Variants in SIPA1L2 observed in about 807,000 individuals in gnomAD.
The protein encoded by SIPA1L2 is signal-induced proliferation-associated 1-like protein 2.
A neutral mutation model predicts 163.9 loss-of-function variants in SIPA1L2; 56 were observed. The ratio of observed to expected loss-of-function variants is 0.34; its 90% CI spans 0.28 to 0.43. SIPA1L2 has a LOEUF of 0.43. Among genes scored for constraint, SIPA1L2 ranks in the 20% least tolerant of loss-of-function variants. SIPA1L2 has a pLI of 1.00. For synonymous variants in SIPA1L2, 877 were observed against 865.7 expected, an observed-to-expected ratio of 1.01 and a Z score of -0.23; for missense variants, 1,974 against 2,193.5, an observed-to-expected ratio of 0.90 and a Z score of 2.00.
chr1:232,549,508 T>C (rs926243659), intron 2 of SIPA1L2, among the ~76,000 whole-genome samples: 1 of 152,114 alleles, frequency 6.6e-6, no homozygotes, highest in Non-Finnish European at 1.5e-5. Context: ...ATAAGAAAAC[T>C]CTCAAGAATT....
chr1:232,520,090 C>T (rs1364199875), intron 2 of SIPA1L2, among the ~76,000 whole-genome samples: 2 of 152,210 alleles, frequency 1.3e-5, no homozygotes, highest in Non-Finnish European at 2.9e-5. Context: ...ACGGAGTTTG[C>T]CTTCGAATGA....
At chr1:232,408,546 T>C (rs568208658) in intron 19 of SIPA1L2, among the ~76,000 whole-genome samples, 2 of 152,286 alleles carry the variant, frequency 1.3e-5, no homozygotes, top group African/African-American at 4.8e-5. Context: ...GTATTCTTCA[T>C]AGCTTCCTAG....
At chr1:232,425,894 C>A in intron 17 of SIPA1L2, 86 bp from the exon 18 acceptor site, 1 of 1,193,134 alleles carries the variant, frequency 8.4e-7, no homozygotes, top group Admixed American at 2.1e-5. Flanking sequence ...AGTGGTTTCA[C>A]ATACTATTGT....
intron 1 of SIPA1L2, among the ~76,000 whole-genome samples, chr1:232,582,582 T>C (rs773503336): frequency 6.6e-6 from 1 of 152,218 alleles, no homozygotes; most frequent in African/African-American, 2.4e-5. Flanking sequence ...GTTGATCCCA[T>C]GTCTTTGCTG....
At chr1:232,429,451 A>C (rs983403702) in intron 16 of SIPA1L2, among the ~76,000 whole-genome samples, 1 of 152,200 alleles carries the variant, frequency 6.6e-6, no homozygotes, top group African/African-American at 2.4e-5. Flanking sequence ...CTCACTGGGA[A>C]ATTGCTAGAA....
intron 1 of SIPA1L2, among the ~76,000 whole-genome samples, chr1:232,578,509 T>C (rs1291642265): frequency 2.0e-5 from 3 of 152,256 alleles, no homozygotes; most frequent in Non-Finnish European, 4.4e-5. Flanking sequence ...ATCTCATTTT[T>C]TCTCTAAGGA....
intron 7 of SIPA1L2, among the ~76,000 whole-genome samples, chr1:232,472,774 G>A (rs1488316852): frequency 1.3e-5 from 2 of 152,154 alleles, no homozygotes; most frequent in Non-Finnish European, 2.9e-5. Context: ...CATATTCCAA[G>A]TAAAGACCAT....
intron 2 of SIPA1L2, among the ~76,000 whole-genome samples, chr1:232,538,664 C>T (rs1657456391): frequency 6.7e-6 from 1 of 149,482 alleles, no homozygotes; most frequent in African/African-American, 2.5e-5. Flanking sequence ...TTAAAGTCCC[C>T]CAGGCTTAGT....
intron 18 of SIPA1L2, among the ~76,000 whole-genome samples, chr1:232,419,135 GAC>G (rs1291867116): frequency 1.2e-4 from 19 of 152,206 alleles, no homozygotes. Flanking sequence ...ACTTGGCTGA[GAC>G]ACAAATGATG....
At chr1:232,475,934 T>C (rs77388049) in intron 7 of SIPA1L2, among the ~76,000 whole-genome samples, 2,138 of 152,306 alleles carry the variant, frequency 0.014, 50 homozygotes, top group African/African-American at 0.049. Context: ...CTTTGTGATA[T>C]AGTATAAGTA....
At chr1:232,454,739 A>G (rs1663795336) in intron 10 of SIPA1L2, among the ~76,000 whole-genome samples, 1 of 152,194 alleles carries the variant, frequency 6.6e-6, no homozygotes, top group Non-Finnish European at 1.5e-5. Context: ...CAACATTCAA[A>G]ATGAAAAAAC....
chr1:232,482,713 G>C (rs1240519300), intron 6 of SIPA1L2, among the ~76,000 whole-genome samples: 1 of 152,180 alleles, frequency 6.6e-6, no homozygotes, highest in African/African-American at 2.4e-5. Flanking sequence ...CCCTCATCCA[G>C]ATGGAGTATC....
chr1:232,459,502 T>A (rs1231583763), intron 10 of SIPA1L2, among the ~76,000 whole-genome samples: 1 of 152,202 alleles, frequency 6.6e-6, no homozygotes, highest in African/African-American at 2.4e-5. Context: ...AAAATGAATA[T>A]GCTAAAGTTT....
Position 232,490,987 on chromosome 1 carries a change from G to A in SIPA1L2, c.1693C>T (p.Pro565Ser), listed in dbSNP as rs1315221783. 1 of 1,614,132 alleles carries A rather than the reference G, an allele frequency of 6.2e-7. No homozygotes were observed. Among genetic ancestry groups the A allele is most frequent in the Admixed American group, 1.7e-5 (1 of 60,026 alleles). ...TARHGTARGL[P>S]LKEVLEYVIP... Reference sequence around the variant, plus strand: ...ACGTATTCCAAAACTTCTTTGAGAGGTAGTCCTCGTGCGGTACCATGCCTA... The same window carrying A: ...ACGTATTCCAAAACTTCTTTGAGAGATAGTCCTCGTGCGGTACCATGCCTA... Residue 565 changes from proline to serine, a missense_variant, in exon 5 of 23, where the codon CCT (proline) becomes TCT (serine). By Grantham distance (74) the Pro-to-Ser change is moderately conservative. This residue lies in a region of SIPA1L2 where 288 missense variants were observed against 418.9 expected (regional missense o/e 0.69). Transcript: ENST00000674635.
chr1:232,424,617 A>C (rs1409467204), intron 18 of SIPA1L2, among the ~76,000 whole-genome samples: 1 of 152,186 alleles, frequency 6.6e-6, no homozygotes, highest in African/African-American at 2.4e-5. Flanking sequence ...AGGCGTTTAA[A>C]GGTTTCTTCA....
rs1339898607 is a variant in SIPA1L2 at position 232,428,543 on chromosome 1, G to A, written c.4278C>T (p.Val1426=). The A allele has an allele frequency of 6.3e-6, 10 of 1,582,856 alleles. No individual in the cohort carries two copies. Among genetic ancestry groups the A allele is most frequent in the Non-Finnish European group, 8.6e-6 (10 of 1,167,436 alleles). Residue 1426 remains valine, a synonymous_variant, in exon 17 of 23, where the codon GTC becomes GTT. Coordinates refer to ENST00000674635, the MANE Select transcript of SIPA1L2 (RefSeq NM_020808.5). Reference sequence around the variant, plus strand: ...TCTGATGCTGAGTTGCTGTGGACATGACATCCATCTCACTATACATCCTGT... The same window carrying A: ...TCTGATGCTGAGTTGCTGTGGACATAACATCCATCTCACTATACATCCTGT... ...ECPGMYSEMD[V]MSTATQHQTV...
chr1:232,483,701 C>T, intron 6 of SIPA1L2, 91 bp downstream of exon 6: 3 of 1,432,414 alleles, frequency 2.1e-6, no homozygotes, highest in Non-Finnish European at 2.9e-6. Context: ...GGGCCGGGAA[C>T]AGGAGGGCAT....
At chr1:232,443,170 C>T (rs1193523379) in intron 12 of SIPA1L2, among the ~76,000 whole-genome samples, 1 of 152,238 alleles carries the variant, frequency 6.6e-6, no homozygotes, top group Non-Finnish European at 1.5e-5. Flanking sequence ...CTGCTGGCTA[C>T]TGCGGACTGG....
At chr1:232,451,446 G>T (rs1049512188) in intron 10 of SIPA1L2, among the ~76,000 whole-genome samples, 1 of 152,072 alleles carries the variant, frequency 6.6e-6, no homozygotes, top group Non-Finnish European at 1.5e-5. Context: ...GGGGCACATG[G>T]CAAATATTTC....
Sources: gnomAD v4.1 joint callset for allele counts (sites outside exome capture counted in the v4.1 genomes callset) on GRCh38, gnomAD v4.1.1 for gene constraint, gnomAD v4.1.1 regional missense constraint, MANE v1.5 for transcripts, NCBI Gene and HGNC (gene_info 2026-07-23, HGNC 2026-07-21) for gene names.